The following PRRC2B variants were observed in gnomAD, a reference collection of about 807,000 sequenced individuals.
PRRC2B encodes the protein proline rich coiled-coil 2B.
PRRC2B carries 68 observed loss-of-function variants against 242.3 expected under a neutral mutation model. The observed-to-expected ratio is 0.28, with a 90% confidence interval of 0.23 to 0.34. PRRC2B has a LOEUF of 0.34. Ranked by LOEUF, PRRC2B falls within the 10% of genes least tolerant of loss-of-function variation. The pLI is 1.00. For missense variants in PRRC2B, 2,835 were observed against 2,954.8 expected (o/e 0.96, Z 0.94); for synonymous variants, 1,228 against 1,173.6 (o/e 1.05, Z -0.95).
chr9:131,486,197 C>G lies in PRRC2B; in HGVS notation c.5856+15C>G. ...GTTACCAACAGGTGACAGCAGCTAG[C>G]CAGGTGGCCTGGCTGGGGGTGGTGG... On this transcript the variant is annotated intron_variant, in intron 26 of 31. Transcript: ENST00000683519. The G allele has an allele frequency of 1.3e-6, 2 of 1,568,618 alleles. No homozygotes were observed. Among genetic ancestry groups the G allele is most frequent in the Non-Finnish European group, 1.7e-6 (2 of 1,143,344 alleles).
chr9:131,461,575 C>T (rs984318941), intron 11 of PRRC2B, among the ~76,000 whole-genome samples: 10 of 152,218 alleles, frequency 6.6e-5, no homozygotes, highest in African/African-American at 2.4e-4. Context: ...TGGAGTCTCA[C>T]TCTGTCGCCA....
At chr9:131,442,051 G>A (rs766713220) in intron 5 of PRRC2B, among the ~76,000 whole-genome samples, 6 of 151,898 alleles carry the variant, frequency 4.0e-5, no homozygotes, top group South Asian at 2.1e-4. Flanking sequence ...CATGATTCTC[G>A]AAGCAGAAGA....
Position 131,492,171 on chromosome 9 carries a change from C to G in PRRC2B, c.6384C>G (p.Pro2128=). 1 of 1,613,382 alleles carries G rather than the reference C, an allele frequency of 6.2e-7. No individual in the cohort carries two copies. The highest frequency in any genetic ancestry group is 8.5e-7 in the Non-Finnish European group (1 of 1,179,432). ...QPPVLNTSRE[P]SQMEMKGFHF... is the part of the protein sequence containing the mutation. ...TTGTTCCTGCTTGGTCTCTCTAGCC[C>G]TCTCAGATGGAGATGAAAGGCTTCC... is the stretch of plus-strand genomic sequence containing the variant. The change falls in exon 30 of 32, where the codon CCC becomes CCG. Residue 2128 remains proline (P), a splice_region_variant and synonymous_variant. Transcript: ENST00000683519.
chr9:131,439,392 G>C (rs1323428483), intron 5 of PRRC2B, among the ~76,000 whole-genome samples: 1 of 152,190 alleles, frequency 6.6e-6, no homozygotes, highest in Non-Finnish European at 1.5e-5. Context: ...GAAGGAGAGT[G>C]GTCGTGGTGT....
chr9:131,442,050 C>T (rs1316811434), intron 5 of PRRC2B, among the ~76,000 whole-genome samples: 5 of 152,000 alleles, frequency 3.3e-5, no homozygotes, highest in East Asian at 1.9e-4. Flanking sequence ...TCATGATTCT[C>T]GAAGCAGAAG....
At chr9:131,491,763 G>C (rs1021316944) in intron 29 of PRRC2B, among the ~76,000 whole-genome samples, 183 bp downstream of exon 29, 5 of 152,204 alleles carry the variant, frequency 3.3e-5, no homozygotes, top group African/African-American at 4.8e-5. Flanking sequence ...TGAACATGTC[G>C]AGGGCTGAGG....
intron 17 of PRRC2B, among the ~76,000 whole-genome samples, 165 bp downstream of exon 17, chr9:131,478,114 T>C (rs1039264341): frequency 6.6e-6 from 1 of 152,020 alleles, no homozygotes; most frequent in Non-Finnish European, 1.5e-5. Context: ...GCAGAGTAGG[T>C]AGGATTCCCA....
intron 1 of PRRC2B, among the ~76,000 whole-genome samples, chr9:131,396,848 T>C (rs1364755941): frequency 6.6e-6 from 1 of 152,164 alleles, no homozygotes; most frequent in Non-Finnish European, 1.5e-5. Context: ...GGAGACAGAC[T>C]GAACCCAGTG....
In PRRC2B at chr9:131,375,464, G is replaced by C. The variant is rs191303970; in HGVS notation, c.-56+1733G>C. 1.6e-4 allele frequency among the ~76,000 whole-genome samples: 25 copies of C among 152,150 alleles called. No individual in the cohort carries two copies. In the East Asian group the frequency reaches 2.1e-3, roughly 13 times the overall value. ...TAGCTGTCTAGCAGGGTTTTTGTGA[G>C]GATTGAATGAGTTATTATGAAGGTG... On this transcript the variant is annotated intron_variant, in intron 1 of 1. Transcript: ENST00000682525.
Position 131,485,125 on chromosome 9 carries a change from T to C in PRRC2B, c.5743T>C (p.Ser1915Pro). Residue 1915 changes from serine to proline, a missense_variant, in exon 25 of 32, where the codon TCT becomes CCT. Coordinates refer to ENST00000683519, the MANE Select transcript of PRRC2B (RefSeq NM_013318.4). ...CATGCCTGTGGCCTCTGTAGCACCT[T>C]CTGCTTCTATGCCAGGTATCTCATC... is the stretch of plus-strand genomic sequence containing the variant. ...PPMPVASVAP[S>P]ASMPGSHLPP... The C allele has an allele frequency of 6.3e-7, 1 of 1,588,202 alleles. No homozygotes were observed. Among genetic ancestry groups the C allele is most frequent in the Non-Finnish European group, 8.6e-7 (1 of 1,165,374 alleles).
In PRRC2B at chr9:131,481,316, A is replaced by AAAAAG. The variant is rs1168900032; in HGVS notation, c.4901-406_4901-405insGAAAA. ...ACAGAGCAAGACTCCGTCTCCAAAA[A>AAAAAG]AAAAAAAAAAAAAAAAGAAAGATAT... On this transcript the variant is annotated intron_variant, in intron 19 of 31. Coordinates refer to ENST00000683519, the MANE Select transcript of PRRC2B (RefSeq NM_013318.4). Among the ~76,000 whole-genome samples the AAAAAG allele has an allele frequency of 1.7e-3, 254 of 150,238 alleles. 3 individuals are homozygous for AAAAAG. Among genetic ancestry groups the AAAAAG allele is most frequent in the African/African-American group, 5.9e-3 (242 of 41,078 alleles).
rs981377853 is a variant in PRRC2B at position 131,440,539 on chromosome 9, A to T, written c.469+1478A>T. On this transcript the variant is annotated intron_variant, in intron 5 of 31. Transcript: ENST00000683519. ...GCTGCCTGGCAAAATAATAACACATAATACCCTTTGACCTAGCAAGTGCAC... is the reference window on the plus strand; with the variant it reads ...GCTGCCTGGCAAAATAATAACACATTATACCCTTTGACCTAGCAAGTGCAC... 2.0e-5 allele frequency among the ~76,000 whole-genome samples: 3 copies of T among 152,210 alleles called. No individual in the cohort carries two copies. The East Asian group carries it at 5.8e-4, about 29-fold the overall frequency.
intron 1 of PRRC2B, among the ~76,000 whole-genome samples, chr9:131,403,503 C>T (rs1232414048): frequency 4.0e-5 from 6 of 151,746 alleles, no homozygotes; most frequent in East Asian, 3.9e-4. Flanking sequence ...AGGTGCATCC[C>T]GCCACGCCTG....
At chr9:131,435,759 G>A (rs1018210230) in intron 3 of PRRC2B, among the ~76,000 whole-genome samples, 5 of 152,112 alleles carry the variant, frequency 3.3e-5, no homozygotes, top group Admixed American at 1.3e-4. Flanking sequence ...AGGAAGATCC[G>A]TTTCTATGTT....
chr9:131,435,613 T>TAAAA (rs66831387), intron 3 of PRRC2B, among the ~76,000 whole-genome samples: 2 of 147,012 alleles, frequency 1.4e-5, no homozygotes, highest in African/African-American at 5.2e-5. Flanking sequence ...AGACTCCATC[T>TAAAA]AAAAAAAAAA....
chr9:131,475,609 G>T lies in PRRC2B; in HGVS notation c.3480G>T (p.Ser1160=). 1 of 1,612,350 alleles carries T rather than the reference G, an allele frequency of 6.2e-7. No individual in the cohort carries two copies. The highest frequency in any genetic ancestry group is 8.5e-7 in the Non-Finnish European group (1 of 1,179,644). The change falls in exon 16 of 32, where the codon TCG becomes TCT. Residue 1160 remains serine, a synonymous_variant. Coordinates refer to ENST00000683519, the MANE Select transcript of PRRC2B (RefSeq NM_013318.4). ...GCTCCGAGAACGGGAATGAAGGCTCGCTCCTGGAGAGGGAGGAGAGCACCT... is the reference window on the plus strand; with the variant it reads ...GCTCCGAGAACGGGAATGAAGGCTCTCTCCTGGAGAGGGAGGAGAGCACCT... The part of the protein sequence containing the change: ...QRGSENGNEG[S]LLEREESTLK...
At chr9:131,444,837 G>C (rs138224358) in intron 6 of PRRC2B, among the ~76,000 whole-genome samples, 7 of 152,044 alleles carry the variant, frequency 4.6e-5, no homozygotes. Context: ...ATCTTAGGTC[G>C]GGCCAGGGAA....
chr9:131,397,293 G>A (rs975925998), intron 1 of PRRC2B, among the ~76,000 whole-genome samples: 3 of 152,176 alleles, frequency 2.0e-5, no homozygotes, highest in African/African-American at 4.8e-5. Flanking sequence ...CTGTGTGGGC[G>A]TCCCATCTCG....
intron 1 of PRRC2B, among the ~76,000 whole-genome samples, chr9:131,413,012 T>C (rs986785202): frequency 2.6e-5 from 4 of 152,204 alleles, no homozygotes; most frequent in African/African-American, 9.6e-5. Context: ...GTAACTTCTT[T>C]TAGAAGCAAA....
Sources: gnomAD v4.1 joint callset for allele counts (sites outside exome capture counted in the v4.1 genomes callset) on GRCh38, gnomAD v4.1.1 for gene constraint, MANE v1.5 for transcripts, NCBI Gene and HGNC (gene_info 2026-07-23, HGNC 2026-07-21) for gene names.